The following PDE7B variants were observed in gnomAD, a reference collection of about 807,000 sequenced individuals.
The protein encoded by PDE7B is phosphodiesterase 7B.
Under a neutral mutation model 56.2 loss-of-function variants are expected in PDE7B, and 29 were observed. The observed-to-expected ratio is 0.52, with a 90% CI of 0.38 to 0.70. The LOEUF (loss-of-function observed/expected upper bound fraction) is 0.70, where lower values mean the gene tolerates loss of function less well. PDE7B is among the 30% of genes least tolerant of loss of function. The pLI is 0.00. For synonymous variants in PDE7B, 197 were observed against 196.9 expected (o/e 1.00, Z 0.00); for missense variants, 490 against 565.0 (o/e 0.87, Z 1.35).
At chr6:135,889,098 T>C (rs1775760819) in intron 1 of PDE7B, among the ~76,000 whole-genome samples, 1 of 152,162 alleles carries the variant, frequency 6.6e-6, no homozygotes, top group Admixed American at 6.5e-5. Flanking sequence ...CCAGGGGTCA[T>C]GCCCAGTTAA....
At chr6:136,098,137 G>GT (rs1311148004) in intron 2 of PDE7B, 8 of 133,678 alleles carry the variant, frequency 6.0e-5, no homozygotes, top group Non-Finnish European at 1.1e-4. Flanking sequence ...AGTTCCTGGG[G>GT]GGGGGGGGGG....
intron 2 of PDE7B, among the ~76,000 whole-genome samples, chr6:135,989,366 C>T (rs2128205005): frequency 6.6e-6 from 1 of 152,330 alleles, no homozygotes; most frequent in South Asian, 2.1e-4. Context: ...GTAATCCCAA[C>T]ACTTTGGAAG....
At chr6:136,160,024 G>A (rs1453121295) in intron 8 of PDE7B, among the ~76,000 whole-genome samples, 1 of 152,050 alleles carries the variant, frequency 6.6e-6, no homozygotes, top group Non-Finnish European at 1.5e-5. Flanking sequence ...GATAATTCAG[G>A]CACAAAGGGA....
chr6:135,875,871 T>G (rs1430269108), intron 1 of PDE7B, among the ~76,000 whole-genome samples: 1 of 152,194 alleles, frequency 6.6e-6, no homozygotes, highest in Non-Finnish European at 1.5e-5. Flanking sequence ...AATTCTTTTG[T>G]GAGGCTAATT....
Position 136,178,953 on chromosome 6 carries a change from A to C in PDE7B, c.804-44A>C, listed in dbSNP as rs757304045. 1.4e-5 allele frequency: 23 copies of C among 1,607,624 alleles called. 1 individual carries two copies. The highest frequency in any genetic ancestry group is 4.0e-5 in the African/African-American group (3 of 74,708). ...AAAATCAATCACCCTCATCAAAGGG[A>C]TTTGCTTTGTGTGTGTTTTTCTCTT... On this transcript the variant is annotated intron_variant, in intron 9 of 12. Coordinates refer to ENST00000308191, the MANE Select transcript of PDE7B (RefSeq NM_018945.4).
chr6:136,121,966 C>G (rs1777941674), intron 3 of PDE7B, among the ~76,000 whole-genome samples: 1 of 151,930 alleles, frequency 6.6e-6, no homozygotes, highest in Admixed American at 6.6e-5. Flanking sequence ...TGGTTAGAAC[C>G]AGACCAGTGA....
At chr6:136,165,206 G>A (rs1778773842) in intron 8 of PDE7B, among the ~76,000 whole-genome samples, 1 of 152,168 alleles carries the variant, frequency 6.6e-6, no homozygotes, top group East Asian at 1.9e-4. Context: ...GAAGCTGTCA[G>A]TTCTGTTGAG....
chr6:136,165,526 G>A (rs541481369), intron 8 of PDE7B: 2 of 152,198 alleles, frequency 1.3e-5, no homozygotes, highest in East Asian at 3.9e-4. Flanking sequence ...ATAAAAGTTG[G>A]GCAGTTGGAA....
intron 2 of PDE7B, chr6:136,037,602 T>C: frequency 6.1e-6 from 6 of 985,454 alleles, no homozygotes; most frequent in Non-Finnish European, 7.2e-6. Flanking sequence ...CTGCAGACTC[T>C]CAGCTTCCTC....
At chr6:135,885,380 G>A (rs1005759259) in intron 1 of PDE7B, among the ~76,000 whole-genome samples, 13 of 150,908 alleles carry the variant, frequency 8.6e-5, no homozygotes, top group African/African-American at 3.2e-4. Context: ...GGCTGCATCT[G>A]CATAATGGTG....
chr6:135,928,127 G>C (rs1279748511), intron 1 of PDE7B, among the ~76,000 whole-genome samples: 2 of 151,702 alleles, frequency 1.3e-5, no homozygotes, highest in African/African-American at 4.8e-5. Context: ...TTATTAAAAA[G>C]TTAAAAAAAC....
rs543451390 is a variant in PDE7B at position 136,114,622 on chromosome 6, C to T, written c.166+5808C>T. On this transcript the variant is annotated intron_variant, in intron 3 of 12. Coordinates refer to ENST00000308191, the MANE Select transcript of PDE7B (RefSeq NM_018945.4). ...TACCTTTTCCTGTCACCTATAAGAACTACACAAAATGCAAAGAATCTGAAC... is the reference window on the plus strand; with the variant it reads ...TACCTTTTCCTGTCACCTATAAGAATTACACAAAATGCAAAGAATCTGAAC... Among the ~76,000 whole-genome samples the T allele has an allele frequency of 4.6e-5, 7 of 152,232 alleles. No homozygotes were observed. In the East Asian group the frequency reaches 1.2e-3, roughly 25 times the overall value.
intron 2 of PDE7B, among the ~76,000 whole-genome samples, chr6:136,020,523 A>G (rs993438400): frequency 2.6e-5 from 4 of 152,144 alleles, no homozygotes; most frequent in Admixed American, 2.6e-4. Context: ...CTTTCTTACC[A>G]TACCATCTCT....
At chr6:136,041,998 G>C (rs1161991959) in intron 2 of PDE7B, among the ~76,000 whole-genome samples, 1 of 152,186 alleles carries the variant, frequency 6.6e-6, no homozygotes, top group Non-Finnish European at 1.5e-5. Flanking sequence ...TTGATTACAT[G>C]TAGATGGGGC....
At chr6:135,978,676 C>G (rs1775236131) in intron 2 of PDE7B, among the ~76,000 whole-genome samples, 1 of 151,812 alleles carries the variant, frequency 6.6e-6, no homozygotes, top group Non-Finnish European at 1.5e-5. Flanking sequence ...TTTCTATTTT[C>G]AATTTTTTTA....
At chr6:136,101,267 T>C (rs1052943870) in intron 2 of PDE7B, among the ~76,000 whole-genome samples, 1 of 152,222 alleles carries the variant, frequency 6.6e-6, no homozygotes, top group Admixed American at 6.5e-5. Flanking sequence ...ATCAGGATGA[T>C]GCTGGCCTCA....
intron 12 of PDE7B, 112 bp from the exon 13 acceptor site, chr6:136,191,502 A>T: frequency 1.1e-6 from 1 of 870,450 alleles, no homozygotes; most frequent in South Asian, 1.6e-5. Flanking sequence ...CCCCATCTCT[A>T]CTAAAGATAC....
rs977298602 is a variant in PDE7B, at chr6:136,041,552, G to T, written c.83-67179G>T. On this transcript the variant is annotated intron_variant, in intron 2 of 12. Coordinates refer to ENST00000308191, the MANE Select transcript of PDE7B (RefSeq NM_018945.4). ...CAATAGACTGTAGGAGGGAATGGGA[G>T]ATGATAGAAGGAAGGAAGAGGAGCT... 3.3e-5 allele frequency among the ~76,000 whole-genome samples: 5 copies of T among 152,230 alleles called. No individual in the cohort carries two copies. In the East Asian group the frequency reaches 9.6e-4, roughly 29 times the overall value.
chr6:136,077,675 A>G (rs1777145913), intron 2 of PDE7B, among the ~76,000 whole-genome samples: 1 of 152,238 alleles, frequency 6.6e-6, no homozygotes, highest in African/African-American at 2.4e-5. Context: ...AGGTCTTCCA[A>G]AAGGCAGAAT....
Sources: gnomAD v4.1 joint callset for allele counts (sites outside exome capture counted in the v4.1 genomes callset) on GRCh38, gnomAD v4.1.1 for gene constraint, MANE v1.5 for transcripts, NCBI Gene and HGNC (gene_info 2026-07-23, HGNC 2026-07-21) for gene names.